The following SOX6 variants were observed in gnomAD, a reference collection of about 807,000 sequenced individuals.
SOX6 encodes the protein transcription factor SOX-6.
Under a neutral mutation model 97.8 loss-of-function variants are expected in SOX6, and 11 were observed. The ratio of observed to expected loss-of-function variants is 0.11; its 90% CI spans 0.07 to 0.19. The LOEUF is 0.19. SOX6 is among the 10% of genes least tolerant of loss of function. SOX6 has a pLI of 1.00. For synonymous variants in SOX6, 360 were observed against 371.4 expected, an observed-to-expected ratio of 0.97 and a Z score of 0.35; for missense variants, 810 against 1,039.5, an observed-to-expected ratio of 0.78 and a Z score of 3.04.
intron 9 of SOX6, among the ~76,000 whole-genome samples, chr11:16,064,320 A>G (rs902984856): frequency 1.3e-5 from 2 of 151,746 alleles, no homozygotes; most frequent in African/African-American, 2.4e-5. Context: ...TAACAGTAAA[A>G]AAGAAGGCAC....
At chr11:16,064,147 A>T (rs535275382) in intron 9 of SOX6, among the ~76,000 whole-genome samples, 9 of 151,900 alleles carry the variant, frequency 5.9e-5, no homozygotes, top group Admixed American at 1.3e-4. Flanking sequence ...TCCTTCTCCA[A>T]ATCTTCAAGC....
chr11:16,581,563 T>C (rs1303678059), intron 4 of SOX6, among the ~76,000 whole-genome samples: 1 of 152,126 alleles, frequency 6.6e-6, no homozygotes, highest in African/African-American at 2.4e-5. Context: ...TATACCTGTG[T>C]AACAAACCTG....
At chr11:16,571,494 GA>G (rs913188695) in intron 4 of SOX6, among the ~76,000 whole-genome samples, 13 of 152,002 alleles carry the variant, frequency 8.6e-5, no homozygotes, top group African/African-American at 3.1e-4. Flanking sequence ...TTACATGTGC[GA>G]TCACAGCATA....
chr11:16,403,952 GT>G (rs1858624678), intron 1 of SOX6, among the ~76,000 whole-genome samples: 1 of 151,768 alleles, frequency 6.6e-6, no homozygotes, highest in African/African-American at 2.4e-5. Context: ...TATTCTTATG[GT>G]CATCCCCAGT....
chr11:16,202,119 TGA>T lies in SOX6; in HGVS notation c.536-15166_536-15165del, dbSNP rs1387695384. On this transcript the variant is annotated intron_variant, in intron 4 of 15. Coordinates refer to ENST00000683767, the MANE Select transcript of SOX6 (RefSeq NM_001367873.1). Reference sequence around the variant, plus strand: ...AACAGAAAAATGCCCATGTAAAAAATGAGAGTATTAAAATATCTAAATTTTAC... The same window carrying T: ...AACAGAAAAATGCCCATGTAAAAAATGAGTATTAAAATATCTAAATTTTAC... 3.3e-5 allele frequency among the ~76,000 whole-genome samples: 5 copies of T among 152,192 alleles called. No homozygotes were observed. In the East Asian group the frequency reaches 5.8e-4, roughly 18 times the overall value.
At chr11:16,489,054 T>G (rs1252543450) in intron 4 of SOX6, among the ~76,000 whole-genome samples, 1 of 152,092 alleles carries the variant, frequency 6.6e-6, no homozygotes, top group African/African-American at 2.4e-5. Context: ...CACACACTTT[T>G]TAAAAAATAA....
intron 9 of SOX6, among the ~76,000 whole-genome samples, chr11:16,066,220 C>T (rs999624835): frequency 6.6e-6 from 1 of 152,180 alleles, no homozygotes; most frequent in African/African-American, 2.4e-5. Flanking sequence ...ATTATCATCT[C>T]ACCCCAGTTA....
intron 3 of SOX6, among the ~76,000 whole-genome samples, chr11:16,633,163 G>A (rs1271770860): frequency 6.6e-6 from 1 of 152,200 alleles, no homozygotes; most frequent in Admixed American, 6.5e-5. Flanking sequence ...AGAGGGCCCT[G>A]CCACACCATG....
chr11:16,095,402 T>C (rs1446169700), intron 9 of SOX6, among the ~76,000 whole-genome samples: 1 of 151,670 alleles, frequency 6.6e-6, no homozygotes, highest in African/African-American at 2.4e-5. Context: ...AGGTGAAATA[T>C]GAAAAGAATA....
intron 3 of SOX6, among the ~76,000 whole-genome samples, chr11:16,702,915 T>G (rs1180410239): frequency 6.7e-6 from 1 of 149,074 alleles, no homozygotes; most frequent in African/African-American, 2.4e-5. Context: ...TATATATAAT[T>G]ATTCATATAT....
At chr11:16,362,513 G>A (rs955932604) in intron 1 of SOX6, among the ~76,000 whole-genome samples, 2 of 151,886 alleles carry the variant, frequency 1.3e-5, no homozygotes, top group Non-Finnish European at 2.9e-5. Flanking sequence ...AAAAAACCTA[G>A]AAAATGGAAA....
chr11:16,601,240 T>C (rs1015327218), intron 4 of SOX6, among the ~76,000 whole-genome samples: 3 of 152,206 alleles, frequency 2.0e-5, no homozygotes, highest in African/African-American at 7.2e-5. Context: ...AATGGTAATA[T>C]GGCCTATCTA....
chr11:16,461,019 T>C (rs1859914493), intron 1 of SOX6, among the ~76,000 whole-genome samples: 1 of 152,126 alleles, frequency 6.6e-6, no homozygotes, highest in Admixed American at 6.6e-5. Context: ...TGTGTCTTTT[T>C]CCCAGTCTTC....
chr11:16,126,069 G>A (rs1849605023), intron 6 of SOX6, among the ~76,000 whole-genome samples: 1 of 152,046 alleles, frequency 6.6e-6, no homozygotes, highest in Non-Finnish European at 1.5e-5. Context: ...AGAATATTCA[G>A]CACTTGTAGT....
rs1456209223 is a variant in SOX6 at position 16,234,499 on chromosome 11, G to C, written c.535+83C>G. ...GTTACATGTAAGATTTACTGTTACA[G>C]TACAGAAGATCAGCAAATACATTGT... On this transcript the variant is annotated intron_variant, in intron 4 of 15. Transcript: ENST00000683767. 56 of 794,940 alleles carry C rather than the reference G, an allele frequency of 7.0e-5. 1 individual carries two copies. The Admixed American group carries it at 1.1e-3, about 16-fold the overall frequency. 49.2% of individuals were successfully genotyped at this position (794,940 alleles called of 1,614,324 possible). A position where few individuals can be genotyped will look rare whatever the true frequency, so the allele number is the denominator to read the frequency against.
chr11:16,237,297 G>C (rs1230625498), intron 3 of SOX6, among the ~76,000 whole-genome samples: 1 of 151,944 alleles, frequency 6.6e-6, no homozygotes, highest in Admixed American at 6.6e-5. Context: ...GAAGTGAATT[G>C]TTACTAAGCA....
At chr11:16,418,364 T>C (rs892945467) in intron 1 of SOX6, among the ~76,000 whole-genome samples, 4 of 152,108 alleles carry the variant, frequency 2.6e-5, no homozygotes, top group Non-Finnish European at 5.9e-5. Flanking sequence ...TTGCAAGAGA[T>C]TGGAGAATTT....
At chr11:16,482,347 A>C (rs1860358858) in intron 4 of SOX6, among the ~76,000 whole-genome samples, 1 of 152,192 alleles carries the variant, frequency 6.6e-6, no homozygotes, top group South Asian at 2.1e-4. Context: ...ACATTAGTTC[A>C]TTTAAGAAAC....
Position 15,966,811 on chromosome 11 carries a change from G to A in SOX6, c.*5998C>T, listed in dbSNP as rs937727862. ...AAGTACCACTGAAAGATTATTCAATGTTGAGCTTTATCTCACGTCAATACT... is the reference window on the plus strand; with the variant it reads ...AAGTACCACTGAAAGATTATTCAATATTGAGCTTTATCTCACGTCAATACT... On this transcript the variant is annotated 3_prime_UTR_variant, in exon 16 of 16. Coordinates refer to ENST00000683767, the MANE Select transcript of SOX6 (RefSeq NM_001367873.1). 3.9e-5 allele frequency: 6 copies of A among 152,220 alleles called. No individual in the cohort carries two copies. Among genetic ancestry groups the A allele is most frequent in the African/African-American group, 1.4e-4 (6 of 41,458 alleles). The allele number at this position is 152,220 out of a possible 1,614,324, so 9.4% of individuals were successfully genotyped here.
Sources: gnomAD v4.1 joint callset for allele counts (sites outside exome capture counted in the v4.1 genomes callset) on GRCh38, gnomAD v4.1.1 for gene constraint, MANE v1.5 for transcripts, NCBI Gene and HGNC (gene_info 2026-07-23, HGNC 2026-07-21) for gene names.